The following CASP4 variants were observed in gnomAD, a reference collection of about 807,000 sequenced individuals.
CASP4 encodes the protein caspase 4, also known as caspase-4.
CASP4 carries 29 observed loss-of-function variants against 41.3 expected under a neutral mutation model. That is an observed-to-expected ratio of 0.70 (90% CI 0.52 to 0.96). The LOEUF (loss-of-function observed/expected upper bound fraction) is 0.96. CASP4 is among the 40% of genes least tolerant of loss of function. The pLI, the probability that CASP4 is intolerant of heterozygous loss-of-function variation, is 0.00. For synonymous variants in CASP4, 185 were observed against 158.4 expected (o/e 1.17, Z -1.26); for missense variants, 447 against 460.6 (o/e 0.97, Z 0.27).
At chr11:104,958,150 G>A (rs1419745517) in intron 1 of CASP4, among the ~76,000 whole-genome samples, 1 of 152,128 alleles carries the variant, frequency 6.6e-6, no homozygotes, top group African/African-American at 2.4e-5. Flanking sequence ...AGTTAAATAT[G>A]TAAATGTAAG....
At chr11:104,943,160 C>T (rs547584) in intron 8 of CASP4, 187 bp from the exon 9 acceptor site, 215,470 of 336,580 alleles carry the variant, frequency 0.64, 72,449 homozygotes, top group East Asian at 0.82. Context: ...AAGCATATTA[C>T]TTCTTTTTTC....
chr11:104,945,124 G>T (rs1860424259), intron 7 of CASP4, among the ~76,000 whole-genome samples: 1 of 152,072 alleles, frequency 6.6e-6, no homozygotes, highest in Non-Finnish European at 1.5e-5. Context: ...CTGACCTACA[G>T]ATCTGACAAT....
At chr11:104,954,642 T>C in intron 2 of CASP4, 105 bp downstream of exon 2, 1 of 1,061,900 alleles carries the variant, frequency 9.4e-7, no homozygotes, top group Non-Finnish European at 1.4e-6. Flanking sequence ...AAATGATAGT[T>C]TAGGAAGGGA....
chr11:104,952,145 T>G, intron 2 of CASP4, 140 bp from the exon 3 acceptor site: 1 of 588,528 alleles, frequency 1.7e-6, no homozygotes, highest in Non-Finnish European at 3.0e-6. Context: ...TCTAGTATTC[T>G]ACATCAGGAG....
In CASP4 at chr11:104,961,115, T is replaced by C. The variant is rs56243492; in HGVS notation, c.8-6114A>G. 2.4e-3 allele frequency among the ~76,000 whole-genome samples: 371 copies of C among 152,360 alleles called. 2 individuals are homozygous for C. The highest frequency in any genetic ancestry group is 0.01 in the Middle Eastern group (3 of 294). ...TGGTTTGGTGCCCCCGCTCCAGCGA[T>C]GGATCCAGAAGGTAGCCCAAGTAGC... On this transcript the variant is annotated intron_variant, in intron 1 of 8. Coordinates refer to ENST00000444739, the MANE Select transcript of CASP4 (RefSeq NM_001225.4).
At chr11:104,946,621 T>TTTATATACAA (rs1296603399) in intron 7 of CASP4, 1 of 152,258 alleles carries the variant, frequency 6.6e-6, no homozygotes. Flanking sequence ...TTATGGATCC[T>TTTATATACAA]ATCACAATCT....
intron 2 of CASP4, among the ~76,000 whole-genome samples, chr11:104,953,973 A>G (rs1318293183): frequency 6.6e-6 from 1 of 152,146 alleles, no homozygotes; most frequent in Non-Finnish European, 1.5e-5. Context: ...GAAAACTAGT[A>G]TTTATTGAAT....
chr11:104,952,424 A>G (rs988292681), intron 2 of CASP4, among the ~76,000 whole-genome samples: 4 of 152,182 alleles, frequency 2.6e-5, no homozygotes, highest in Non-Finnish European at 2.9e-5. Context: ...TCCATGTCCA[A>G]TATTTAATTT....
intron 4 of CASP4, 130 bp downstream of exon 4, chr11:104,950,795 T>TACACACACAC: frequency 1.1e-5 from 1 of 93,718 alleles, no homozygotes; most frequent in East Asian, 1.4e-4. Flanking sequence ...TCTTATTTTG[T>TACACACACAC]ATACACACAC....
rs1378141423 is a variant in CASP4, at chr11:104,942,920, T to G, written c.*59A>C. The G allele has an allele frequency of 4.4e-6, 2 of 456,052 alleles. No individual in the cohort carries two copies. The highest frequency in any genetic ancestry group is 8.8e-6 in the Non-Finnish European group (2 of 226,950). 28.3% of individuals were successfully genotyped at this position (456,052 alleles called of 1,614,324 possible). A position where few individuals can be genotyped will look rare whatever the true frequency, so the allele number is the denominator to read the frequency against. ...AAAATGTTAAATATGCAAGCTGTAC[T>G]AATGAAGGTGCTCCTTGAAGTTGAT... On this transcript the variant is annotated 3_prime_UTR_variant, in exon 9 of 9. Coordinates refer to ENST00000444739, the MANE Select transcript of CASP4 (RefSeq NM_001225.4).
chr11:104,964,013 G>A (rs1439892390), intron 1 of CASP4, among the ~76,000 whole-genome samples: 1 of 152,134 alleles, frequency 6.6e-6, no homozygotes, highest in Non-Finnish European at 1.5e-5. Context: ...CTGTCTGTCT[G>A]TGTATTTATA....
chr11:104,944,665 A>G lies in CASP4; in HGVS notation c.*5+83T>C. 8 of 862,130 alleles carry G rather than the reference A, an allele frequency of 9.3e-6. No individual in the cohort carries two copies. The South Asian group carries it at 1.0e-4, about 11-fold the overall frequency. 53.4% of individuals were successfully genotyped at this position (862,130 alleles called of 1,614,324 possible). On this transcript the variant is annotated intron_variant, in intron 8 of 8. Coordinates refer to ENST00000444739, the MANE Select transcript of CASP4 (RefSeq NM_001225.4). ...CACCAATTTGACCATCCAAGTACTC[A>G]GCTGTCATTTGTCATTGAACTTAAC...
chr11:104,965,227 AGG>A (rs1860946378), intron 1 of CASP4, among the ~76,000 whole-genome samples: 1 of 152,168 alleles, frequency 6.6e-6, no homozygotes, highest in African/African-American at 2.4e-5. Flanking sequence ...ACCTTACAGG[AGG>A]CTGTTGGCTT....
chr11:104,959,704 A>G (rs189323996), intron 1 of CASP4, among the ~76,000 whole-genome samples: 54 of 152,206 alleles, frequency 3.5e-4, no homozygotes, highest in African/African-American at 1.2e-3. Flanking sequence ...TCTTTTCCAT[A>G]TACTAGTAAA....
intron 1 of CASP4, among the ~76,000 whole-genome samples, chr11:104,959,108 A>G (rs555995916): frequency 6.6e-6 from 1 of 152,256 alleles, no homozygotes; most frequent in Non-Finnish European, 1.5e-5. Flanking sequence ...TTGGAAAATC[A>G]GTGTCTCGAG....
In CASP4 at chr11:104,951,994, T is replaced by C. The variant is rs1427857044; in HGVS notation, c.274A>G (p.Met92Val). 2 of 1,606,814 alleles carry C rather than the reference T, an allele frequency of 1.2e-6. No homozygotes were observed. The highest frequency in any genetic ancestry group is 1.7e-6 in the Non-Finnish European group (2 of 1,174,120). Reference sequence around the variant, plus strand: ...CCTGACTCAGGTGGTCCAGCCTCCATATTCGGATGAGCTGCAGGATATTGC... The same window carrying C: ...CCTGACTCAGGTGGTCCAGCCTCCACATTCGGATGAGCTGCAGGATATTGC... Reference protein sequence around the residue: ...ISPNKKAHPNMEAGPPESGES... With the variant: ...ISPNKKAHPNVEAGPPESGES... Residue 92 changes from methionine (M) to valine (V), a missense_variant, in exon 3 of 9, where the codon ATG becomes GTG. By Grantham distance (21) the Met-to-Val change is conservative. Coordinates refer to ENST00000444739, the MANE Select transcript of CASP4 (RefSeq NM_001225.4).
At chr11:104,953,819 G>T (rs535288428) in intron 2 of CASP4, among the ~76,000 whole-genome samples, 1 of 151,996 alleles carries the variant, frequency 6.6e-6, no homozygotes, top group Non-Finnish European at 1.5e-5. Flanking sequence ...TTAATAATAC[G>T]TAATTCAATC....
intron 8 of CASP4, chr11:104,944,438 A>C (rs1325901401): frequency 3.5e-6 from 1 of 285,064 alleles, no homozygotes; most frequent in Admixed American, 4.9e-5. Flanking sequence ...AGATAAATGA[A>C]TATAAATAGT....
At chr11:104,950,863 G>A (rs1337033372) in intron 4 of CASP4, 62 bp downstream of exon 4, 1 of 1,490,136 alleles carries the variant, frequency 6.7e-7, no homozygotes, top group Non-Finnish European at 9.2e-7. Context: ...TTGAAGCTAG[G>A]TAGTTATTAG....
Sources: gnomAD v4.1 joint callset for allele counts (sites outside exome capture counted in the v4.1 genomes callset) on GRCh38, gnomAD v4.1.1 for gene constraint, MANE v1.5 for transcripts, NCBI Gene and HGNC (gene_info 2026-07-23, HGNC 2026-07-21) for gene names.